SENP2: variants seen among roughly 807,000 people sequenced by gnomAD.
SENP2 encodes the protein sentrin-specific protease 2.
A neutral mutation model predicts 86.3 loss-of-function variants in SENP2; 16 were observed. The observed-to-expected ratio is 0.19, with a 90% CI of 0.13 to 0.28. The LOEUF (loss-of-function observed/expected upper bound fraction) is 0.28, where lower values mean the gene tolerates loss of function less well. SENP2 is among the 10% of genes least tolerant of loss of function. The probability of loss-of-function intolerance (pLI) is 1.00; values close to 1 mark genes in which losing one functional copy is unlikely to be tolerated. For missense variants in SENP2, 552 were observed against 703.0 expected, an observed-to-expected ratio of 0.79 and a Z score of 2.43; for synonymous variants, 222 against 238.7, an observed-to-expected ratio of 0.93 and a Z score of 0.64.
intron 10 of SENP2, among the ~76,000 whole-genome samples, chr3:185,613,827 C>CAAAAA (rs58192571): frequency 2.1e-5 from 1 of 48,604 alleles, no homozygotes; most frequent in Non-Finnish European, 4.4e-5. Flanking sequence ...GACTCTGTCT[C>CAAAAA]AAAAAAAAAA....
chr3:185,626,680 G>A (rs964238811), intron 16 of SENP2, among the ~76,000 whole-genome samples: 2 of 152,136 alleles, frequency 1.3e-5, no homozygotes, highest in Admixed American at 1.3e-4. Context: ...GACTGAGGCA[G>A]GAGAATCACT....
At chr3:185,610,442 G>C (rs1336278315) in intron 7 of SENP2, among the ~76,000 whole-genome samples, 1 of 152,102 alleles carries the variant, frequency 6.6e-6, no homozygotes, top group African/African-American at 2.4e-5. Context: ...GATTACAGGC[G>C]TGAGCCACCG....
At chr3:185,593,548 A>T (rs903563810) in intron 2 of SENP2, among the ~76,000 whole-genome samples, 11 of 152,300 alleles carry the variant, frequency 7.2e-5, no homozygotes, top group Non-Finnish European at 1.6e-4. Context: ...TTGAATGATG[A>T]TTATGTACTA....
chr3:185,630,098 C>G lies in SENP2; in HGVS notation c.*254C>G, dbSNP rs1179463882. The G allele has an allele frequency of 2.7e-6, 1 of 369,450 alleles. No homozygotes were observed. The highest frequency in any genetic ancestry group is 3.9e-5 in the East Asian group (1 of 25,860). 22.9% of individuals were successfully genotyped at this position (369,450 alleles called of 1,614,324 possible). ...CAACCCACACAAGAACAAACGCTAA[C>G]TAATATTTTTTTTAAGAGATTCTTT... On this transcript the variant is annotated 3_prime_UTR_variant, in exon 17 of 17. Transcript: ENST00000296257.
At chr3:185,618,878 C>CA (rs1020656284) in intron 12 of SENP2, among the ~76,000 whole-genome samples, 5 of 150,650 alleles carry the variant, frequency 3.3e-5, no homozygotes, top group Admixed American at 6.6e-5. Flanking sequence ...GACTCCGTCT[C>CA]AAAAAAAAAG....
intron 10 of SENP2, among the ~76,000 whole-genome samples, chr3:185,614,106 G>A (rs1165429170): frequency 6.6e-6 from 1 of 151,970 alleles, no homozygotes; most frequent in Non-Finnish European, 1.5e-5. Flanking sequence ...CAAATTAAGT[G>A]GTACATTAAT....
At chr3:185,592,861 C>G (rs1241294434) in intron 2 of SENP2, among the ~76,000 whole-genome samples, 1 of 152,206 alleles carries the variant, frequency 6.6e-6, no homozygotes, top group Non-Finnish European at 1.5e-5. Context: ...AAGTGATCCA[C>G]CTGCCTTGGC....
intron 4 of SENP2, 71 bp downstream of exon 4, chr3:185,599,095 T>C: frequency 1.8e-6 from 2 of 1,111,428 alleles, no homozygotes; most frequent in Admixed American, 1.9e-5. Context: ...ATTTTGAAAA[T>C]ATGAAAGGAA....
At chr3:185,593,386 T>C (rs1476975725) in intron 2 of SENP2, among the ~76,000 whole-genome samples, 1 of 152,194 alleles carries the variant, frequency 6.6e-6, no homozygotes, top group East Asian at 1.9e-4. Context: ...AATGTTGGGA[T>C]TACAGGCGTG....
chr3:185,594,371 C>T (rs772297294), intron 2 of SENP2, among the ~76,000 whole-genome samples: 8 of 152,074 alleles, frequency 5.3e-5, no homozygotes, highest in Admixed American at 3.3e-4. Flanking sequence ...TTTGTAAAGG[C>T]CTGTAAAGTG....
At chr3:185,614,419 CAGAT>C (rs1202831810) in intron 10 of SENP2, 141 bp from the exon 11 acceptor site, 8 of 792,212 alleles carry the variant, frequency 1.0e-5, no homozygotes, top group African/African-American at 5.2e-5. Context: ...CAGGGACAGA[CAGAT>C]AGGGTAAATC....
chr3:185,607,722 C>T (rs1295026531), intron 6 of SENP2, among the ~76,000 whole-genome samples: 2 of 152,024 alleles, frequency 1.3e-5, no homozygotes, highest in Non-Finnish European at 2.9e-5. Context: ...GATGGGATCT[C>T]GCTATGTTGT....
intron 8 of SENP2, 96 bp from the exon 9 acceptor site, chr3:185,612,511 A>C: frequency 3.8e-6 from 3 of 794,154 alleles, no homozygotes; most frequent in Non-Finnish European, 6.2e-6. Flanking sequence ...ATGTAGAGGA[A>C]TGTCTTGATG....
At chr3:185,623,904 C>A in intron 14 of SENP2, 94 bp from the exon 15 acceptor site, 1 of 521,334 alleles carries the variant, frequency 1.9e-6, no homozygotes, top group Non-Finnish European at 3.3e-6. Context: ...TTGAGAATGG[C>A]ATATCTGTTT....
At chr3:185,599,705 CTG>C (rs1302923865) in intron 4 of SENP2, among the ~76,000 whole-genome samples, 1 of 151,964 alleles carries the variant, frequency 6.6e-6, no homozygotes, top group Non-Finnish European at 1.5e-5. Context: ...GCTTTTCAAA[CTG>C]TTTTAAAAAG....
rs7638853 is a variant in SENP2 at position 185,632,918 on chromosome 3, G to A, written c.*3074G>A. The stretch of plus-strand genomic sequence containing the variant: ...CAGGTAGTCTCTTAAAAATTGATGT[G>A]GATTTTAAAAATATACCATTGAGAA... On this transcript the variant is annotated 3_prime_UTR_variant, in exon 17 of 17. Transcript: ENST00000296257. 0.36 allele frequency: 54,293 copies of A among 152,050 alleles called. 9,799 individuals carry two copies. Among genetic ancestry groups the A allele is most frequent in the South Asian group, 0.55 (2,668 of 4,826 alleles). 9.4% of individuals were successfully genotyped at this position (152,050 alleles called of 1,614,324 possible).
chr3:185,618,071 A>G (rs1333993613), intron 12 of SENP2, among the ~76,000 whole-genome samples: 1 of 152,168 alleles, frequency 6.6e-6, no homozygotes, highest in African/African-American at 2.4e-5. Flanking sequence ...CAGCCTCCCA[A>G]GTAGCTGGGA....
intron 15 of SENP2, among the ~76,000 whole-genome samples, chr3:185,624,305 C>T (rs1404233644): frequency 1.3e-5 from 2 of 152,020 alleles, no homozygotes; most frequent in African/African-American, 2.4e-5. Flanking sequence ...GTGTGAGCCA[C>T]CATGCCTGGC....
At chr3:185,598,225 C>G (rs942331585) in intron 2 of SENP2, among the ~76,000 whole-genome samples, 187 bp from the exon 3 acceptor site, 1 of 152,008 alleles carries the variant, frequency 6.6e-6, no homozygotes, top group Non-Finnish European at 1.5e-5. Context: ...AAGCTGGTCT[C>G]GAGCTCCTGG....
Sources: allele counts gnomAD v4.1 joint callset (sites outside exome capture counted in the v4.1 genomes callset), GRCh38; gene constraint gnomAD v4.1.1; transcripts MANE v1.5; gene names NCBI Gene and HGNC (gene_info 2026-07-23, HGNC 2026-07-21).